KIAA1958: variants seen among roughly 807,000 people sequenced by gnomAD.
KIAA1958 encodes uncharacterized protein KIAA1958.
Under a neutral mutation model 47.2 loss-of-function variants are expected in KIAA1958, and 14 were observed. The ratio of observed to expected loss-of-function variants is 0.30; its 90% CI spans 0.20 to 0.46. The LOEUF (loss-of-function observed/expected upper bound fraction) is 0.46. KIAA1958 is among the 20% of genes least tolerant of loss of function. The pLI is 1.00. For missense variants in KIAA1958, 803 were observed against 909.2 expected (o/e 0.88, Z 1.50); for synonymous variants, 354 against 353.3 (o/e 1.00, Z -0.02).
At chr9:112,650,732 A>G (rs1246030351) in intron 3 of KIAA1958, among the ~76,000 whole-genome samples, 3 of 152,222 alleles carry the variant, frequency 2.0e-5, no homozygotes, top group African/African-American at 7.2e-5. Context: ...TACCCATGAA[A>G]AGAGAGATAC....
At chr9:112,528,012 C>T (rs1050498191) in intron 1 of KIAA1958, among the ~76,000 whole-genome samples, 14 of 152,022 alleles carry the variant, frequency 9.2e-5, no homozygotes, top group African/African-American at 3.4e-4. Context: ...CCAAATCTGC[C>T]GATATTATCT....
chr9:112,586,311 C>G (rs181377120), intron 2 of KIAA1958, among the ~76,000 whole-genome samples: 247 of 152,290 alleles, frequency 1.6e-3, no homozygotes, highest in Non-Finnish European at 2.7e-3. Context: ...GAAACACTTT[C>G]TACTCAGCTA....
intron 1 of KIAA1958, among the ~76,000 whole-genome samples, chr9:112,502,995 G>A (rs1834170107): frequency 6.6e-6 from 1 of 152,168 alleles, no homozygotes; most frequent in African/African-American, 2.4e-5. Context: ...CATGTGTTAG[G>A]TACTTTTCTA....
intron 2 of KIAA1958, among the ~76,000 whole-genome samples, chr9:112,612,262 A>AT (rs903650399): frequency 6.6e-6 from 1 of 151,762 alleles, no homozygotes; most frequent in African/African-American, 2.4e-5. Flanking sequence ...AAAAACATGT[A>AT]TTTTTTTAAT....
intron 3 of KIAA1958, among the ~76,000 whole-genome samples, chr9:112,658,816 C>T (rs560603739): frequency 2.8e-4 from 41 of 147,812 alleles, no homozygotes; most frequent in African/African-American, 1.0e-3. Flanking sequence ...AAAATTAGAT[C>T]GAGACCATCC....
intron 1 of KIAA1958, among the ~76,000 whole-genome samples, chr9:112,502,256 A>G (rs1273956313): frequency 3.3e-5 from 5 of 152,266 alleles, no homozygotes; most frequent in African/African-American, 1.2e-4. Context: ...ACATGTGACT[A>G]GTACTCAGAT....
chr9:112,497,757 G>A (rs1834069232), intron 1 of KIAA1958, among the ~76,000 whole-genome samples: 1 of 152,006 alleles, frequency 6.6e-6, no homozygotes, highest in African/African-American at 2.4e-5. Context: ...GTTCAATACA[G>A]TTTTATCACC....
chr9:112,546,695 G>A (rs1835037933), intron 1 of KIAA1958, among the ~76,000 whole-genome samples: 1 of 152,094 alleles, frequency 6.6e-6, no homozygotes, highest in Non-Finnish European at 1.5e-5. Context: ...TATTATGATT[G>A]TTGTATATTA....
chr9:112,586,919 C>A (rs1215946093), intron 2 of KIAA1958, among the ~76,000 whole-genome samples: 1 of 152,112 alleles, frequency 6.6e-6, no homozygotes, highest in Admixed American at 6.5e-5. Context: ...TCCAGCATCC[C>A]ATTAATTCAA....
intron 1 of KIAA1958, among the ~76,000 whole-genome samples, chr9:112,541,313 G>A (rs1171118724): frequency 6.6e-6 from 1 of 150,832 alleles, no homozygotes; most frequent in Admixed American, 6.6e-5. Flanking sequence ...CATTAAAATA[G>A]TTGAGTGAAA....
At chr9:112,576,029 G>C (rs1024753781) in intron 2 of KIAA1958, among the ~76,000 whole-genome samples, 6 of 152,172 alleles carry the variant, frequency 3.9e-5, no homozygotes, top group African/African-American at 1.4e-4. Context: ...GGACAAGGAT[G>C]AACAAATGTG....
intron 1 of KIAA1958, among the ~76,000 whole-genome samples, chr9:112,503,616 CAAA>C (rs762669967): frequency 5.9e-4 from 63 of 106,392 alleles, no homozygotes; most frequent in African/African-American, 2.2e-3. Context: ...GACCCTGTCT[CAAA>C]AAAAAAAAAA....
chr9:112,615,756 C>T (rs1171767862), intron 2 of KIAA1958, among the ~76,000 whole-genome samples: 2 of 152,116 alleles, frequency 1.3e-5, no homozygotes, highest in Non-Finnish European at 2.9e-5. Flanking sequence ...TATTTAAAGA[C>T]AGGAAATGCT....
intron 2 of KIAA1958, among the ~76,000 whole-genome samples, chr9:112,613,732 C>T (rs1403463102): frequency 6.6e-6 from 1 of 152,158 alleles, no homozygotes; most frequent in African/African-American, 2.4e-5. Flanking sequence ...TGGAGTACCA[C>T]TACATGCCCA....
intron 2 of KIAA1958, among the ~76,000 whole-genome samples, chr9:112,590,479 G>A (rs1333332950): frequency 6.6e-6 from 1 of 151,832 alleles, no homozygotes; most frequent in Admixed American, 6.6e-5. Context: ...AGCCTCCTGA[G>A]TAGCTGGGAT....
chr9:112,535,975 A>G (rs183134222), intron 1 of KIAA1958, among the ~76,000 whole-genome samples: 1 of 152,328 alleles, frequency 6.6e-6, no homozygotes, highest in Admixed American at 6.5e-5. Flanking sequence ...ATATTGTCAT[A>G]CATAAGGAGA....
intron 1 of KIAA1958, among the ~76,000 whole-genome samples, chr9:112,535,841 G>A (rs1178894977): frequency 6.6e-6 from 1 of 151,894 alleles, no homozygotes; most frequent in Non-Finnish European, 1.5e-5. Flanking sequence ...TAGTGATGTT[G>A]AACACTTTTT....
rs1436849626 is a variant in KIAA1958 at position 112,662,744 on chromosome 9, A to C, written c.*2675A>C. 2.0e-5 allele frequency: 3 copies of C among 152,720 alleles called. No individual in the cohort carries two copies. Among genetic ancestry groups the C allele is most frequent in the African/African-American group, 7.2e-5 (3 of 41,588 alleles). 9.5% of individuals were successfully genotyped at this position (152,720 alleles called of 1,614,324 possible). A position where few individuals can be genotyped will look rare whatever the true frequency, so the allele number is the denominator to read the frequency against. On this transcript the variant is annotated 3_prime_UTR_variant, in exon 4 of 4. Transcript: ENST00000337530. ...GAGGCGGAGGTTGCAGTGAGCCGAG[A>C]CCATGCCACTGCACTCCAGCCTGGG... is the stretch of plus-strand genomic sequence containing the variant.
Position 112,659,708 on chromosome 9 carries a change from G to A in KIAA1958, c.1790G>A (p.Arg597Gln), listed in dbSNP as rs767432509. The A allele has an allele frequency of 3.2e-5, 51 of 1,614,050 alleles. No individual in the cohort carries two copies. Among genetic ancestry groups the A allele is most frequent in the Non-Finnish European group, 4.1e-5 (48 of 1,180,034 alleles). ...CCCCAAAACCAGCCCTACTTTGCCC[G>A]GACGGACAGCGTCAAGCGGGAGAGT... is the stretch of plus-strand genomic sequence containing the variant. ...KDPQNQPYFA[R>Q]TDSVKRESRS... The change falls in exon 4 of 4, where the codon CGG becomes CAG. Residue 597 changes from arginine (R) to glutamine (Q), a missense_variant. Arg to Gln is a conservative substitution (Grantham distance 43, BLOSUM62 1). Coordinates refer to ENST00000337530, the MANE Select transcript of KIAA1958 (RefSeq NM_133465.4).
Sources: gnomAD v4.1 joint callset for allele counts (sites outside exome capture counted in the v4.1 genomes callset) on GRCh38, gnomAD v4.1.1 for gene constraint, MANE v1.5 for transcripts, NCBI Gene and HGNC (gene_info 2026-07-23, HGNC 2026-07-21) for gene names.